The following HDAC9 variants were observed in gnomAD, a reference collection of about 807,000 sequenced individuals.
HDAC9 encodes MEF-2 interacting transcription repressor (MITR) protein.
A neutral mutation model predicts 139.4 loss-of-function variants in HDAC9; 41 were observed. The ratio of observed to expected loss-of-function variants is 0.29; its 90% CI spans 0.23 to 0.38. The LOEUF is 0.38. Among genes scored for constraint, HDAC9 ranks in the 10% least tolerant of loss-of-function variants. The pLI, the probability that HDAC9 is intolerant of heterozygous loss-of-function variation, is 1.00. For missense variants in HDAC9, 1,147 were observed against 1,297.0 expected (o/e 0.88, Z 1.78); for synonymous variants, 517 against 476.2 (o/e 1.09, Z -1.12).
chr7:18,220,632 C>G (rs369256858), intron 2 of HDAC9, among the ~76,000 whole-genome samples: 1 of 152,242 alleles, frequency 6.6e-6, no homozygotes, highest in African/African-American at 2.4e-5. Flanking sequence ...TTGACCTAAC[C>G]TAGAGAATCT....
intron 7 of HDAC9, among the ~76,000 whole-genome samples, chr7:18,632,579 G>T (rs983240169): frequency 1.3e-5 from 2 of 152,084 alleles, no homozygotes; most frequent in African/African-American, 4.8e-5. Context: ...AAAGTATTTG[G>T]CATGAAAGGA....
chr7:18,302,177 T>A (rs1348080398), intron 1 of HDAC9, among the ~76,000 whole-genome samples: 1 of 152,224 alleles, frequency 6.6e-6, no homozygotes, highest in East Asian at 1.9e-4. Context: ...AATTCCAGTC[T>A]ACTTGTTTGT....
At chr7:18,460,347 T>C (rs1222242409) in intron 1 of HDAC9, among the ~76,000 whole-genome samples, 3 of 152,154 alleles carry the variant, frequency 2.0e-5, no homozygotes, top group African/African-American at 7.2e-5. Context: ...GGGCTAAGCT[T>C]GGTTTCAGGG....
chr7:18,760,927 A>G (rs1333158610), intron 14 of HDAC9, among the ~76,000 whole-genome samples: 1 of 152,176 alleles, frequency 6.6e-6, no homozygotes, highest in Non-Finnish European at 1.5e-5. Flanking sequence ...TGAATGTGGA[A>G]TTGTCCTCGT....
intron 2 of HDAC9, among the ~76,000 whole-genome samples, chr7:18,221,325 G>A (rs455181): frequency 0.048 from 7,313 of 151,956 alleles, 264 homozygotes; most frequent in African/African-American, 0.095. Context: ...GGCTGGTCTC[G>A]AACTCCTGAC....
chr7:18,303,431 T>C (rs1476609989), intron 1 of HDAC9, among the ~76,000 whole-genome samples: 1 of 135,012 alleles, frequency 7.4e-6, no homozygotes, highest in East Asian at 2.1e-4. Context: ...GTGTTTTTAG[T>C]AGAGATGGGG....
intron 25 of HDAC9, among the ~76,000 whole-genome samples, chr7:18,985,549 G>T (rs35912823): frequency 0.74 from 111,196 of 150,924 alleles, 41,051 homozygotes; most frequent in Admixed American, 0.79. Context: ...TGTGTCTTTA[G>T]AGCAGCATGA....
chr7:18,760,970 G>A (rs1456678417), intron 14 of HDAC9, among the ~76,000 whole-genome samples: 1 of 152,190 alleles, frequency 6.6e-6, no homozygotes, highest in East Asian at 1.9e-4. Context: ...GATGTTTCCG[G>A]GTTACCTGGT....
chr7:18,537,773 A>G (rs939605080), intron 2 of HDAC9, among the ~76,000 whole-genome samples: 1 of 152,220 alleles, frequency 6.6e-6, no homozygotes, highest in African/African-American at 2.4e-5. Context: ...GTTAAGTTCC[A>G]GAGAGATGTA....
chr7:18,566,009 A>G (rs1822221475), intron 2 of HDAC9, among the ~76,000 whole-genome samples: 2 of 152,172 alleles, frequency 1.3e-5, no homozygotes, highest in African/African-American at 2.4e-5. Flanking sequence ...CAAACTGGGT[A>G]TTATATTACT....
intron 24 of HDAC9, among the ~76,000 whole-genome samples, chr7:18,971,998 C>G (rs1784269460): frequency 6.6e-6 from 1 of 152,162 alleles, no homozygotes; most frequent in Non-Finnish European, 1.5e-5. Context: ...TGTTTGTGGC[C>G]TAGACCTCTC....
chr7:18,131,542 A>G (rs1359614529), intron 1 of HDAC9, among the ~76,000 whole-genome samples: 1 of 152,194 alleles, frequency 6.6e-6, no homozygotes, highest in Admixed American at 6.6e-5. Context: ...GGGATGCAGT[A>G]GGGGGTAGAG....
intron 3 of HDAC9, among the ~76,000 whole-genome samples, chr7:18,588,849 T>C (rs1830152240): frequency 6.6e-6 from 1 of 152,128 alleles, no homozygotes; most frequent in Non-Finnish European, 1.5e-5. Context: ...TCACATGAGG[T>C]CAGGTATGGA....
chr7:18,408,096 A>G (rs1219996815), intron 1 of HDAC9, among the ~76,000 whole-genome samples: 3 of 152,120 alleles, frequency 2.0e-5, no homozygotes, highest in African/African-American at 7.2e-5. Flanking sequence ...ACTTGGCGCA[A>G]AGTTGGTACT....
At chr7:18,915,496 GA>G (rs1803107497) in intron 22 of HDAC9, among the ~76,000 whole-genome samples, 1 of 151,482 alleles carries the variant, frequency 6.6e-6, no homozygotes, top group Admixed American at 6.6e-5. Flanking sequence ...GAGCTTAAAG[GA>G]AAAAATTACA....
At chr7:18,574,657 C>G (rs940526166) in intron 2 of HDAC9, among the ~76,000 whole-genome samples, 5 of 152,232 alleles carry the variant, frequency 3.3e-5, no homozygotes, top group African/African-American at 1.2e-4. Flanking sequence ...TTGAGCTGCC[C>G]TCAATCTCCC....
intron 12 of HDAC9, among the ~76,000 whole-genome samples, chr7:18,681,970 C>T (rs1442595237): frequency 2.0e-5 from 3 of 151,982 alleles, no homozygotes; most frequent in Non-Finnish European, 2.9e-5. Flanking sequence ...TTATCTATTT[C>T]ATTTTGATAA....
At chr7:18,810,264 G>T (rs114502191) in intron 17 of HDAC9, among the ~76,000 whole-genome samples, 36 of 152,004 alleles carry the variant, frequency 2.4e-4, no homozygotes, top group African/African-American at 8.4e-4. Flanking sequence ...AGATTTTATT[G>T]AGCTCATGTG....
At chr7:18,707,497 T>G (rs1351658429) in intron 12 of HDAC9, among the ~76,000 whole-genome samples, 1 of 152,118 alleles carries the variant, frequency 6.6e-6, no homozygotes, top group Non-Finnish European at 1.5e-5. Context: ...TATGCAGGAA[T>G]ATACAGCCCC....
Sources: gnomAD v4.1 joint callset for allele counts (sites outside exome capture counted in the v4.1 genomes callset) on GRCh38, gnomAD v4.1.1 for gene constraint, MANE v1.5 for transcripts, NCBI Gene and HGNC (gene_info 2026-07-23, HGNC 2026-07-21) for gene names.